The following DPH6 variants were observed in gnomAD, a reference collection of about 807,000 sequenced individuals.
DPH6 encodes diphthine--ammonia ligase.
Under a neutral mutation model 38.2 loss-of-function variants are expected in DPH6, and 33 were observed. The observed-to-expected ratio is 0.86, with a 90% CI of 0.65 to 1.15. The LOEUF is 1.15. DPH6 is among the 50% of genes most tolerant of loss of function. The pLI, the probability that DPH6 is intolerant of heterozygous loss-of-function variation, is 0.00. For missense variants in DPH6, 325 were observed against 320.0 expected, an observed-to-expected ratio of 1.02 and a Z score of -0.12; for synonymous variants, 108 against 103.0, an observed-to-expected ratio of 1.05 and a Z score of -0.30.
intron 6 of DPH6, among the ~76,000 whole-genome samples, chr15:35,405,160 T>A (rs2053274926): frequency 6.6e-6 from 1 of 152,106 alleles, no homozygotes; most frequent in Admixed American, 6.6e-5. Context: ...GGTAATGCAA[T>A]CCCTCCAGTT....
downstream of DPH6, among the ~76,000 whole-genome samples, chr15:35,367,131 A>G (rs1205757511): frequency 2.0e-5 from 3 of 151,808 alleles, no homozygotes; most frequent in African/African-American, 7.2e-5. Context: ...ATTATATAAA[A>G]TATATAATTG....
chr15:35,422,501 G>A (rs2053518401), intron 5 of DPH6, among the ~76,000 whole-genome samples: 2 of 151,880 alleles, frequency 1.3e-5, no homozygotes, highest in Admixed American at 6.6e-5. Context: ...TGCAAACACT[G>A]TAAAATATTC....
At chr15:35,360,332 A>G (rs2052603405) in intron 3 of DPH6, among the ~76,000 whole-genome samples, 2 of 152,292 alleles carry the variant, frequency 1.3e-5, no homozygotes, top group African/African-American at 4.8e-5. Flanking sequence ...CCTGGTACCA[A>G]TCAGATGGGA....
At chr15:35,174,764 C>T in the DPH6 span, among the ~76,000 whole-genome samples, 1 of 152,124 alleles carries the variant, frequency 6.6e-6, no homozygotes, top group African/African-American at 2.4e-5. Context: ...CAAAAGAATA[C>T]ATCAGATGGA....
At chr15:35,525,945 T>G (rs1037527079) in intron 3 of DPH6, among the ~76,000 whole-genome samples, 4 of 152,202 alleles carry the variant, frequency 2.6e-5, no homozygotes, top group African/African-American at 9.6e-5. Context: ...AATCCTATCT[T>G]AAAGTAGTGC....
At chr15:35,207,514 A>G in the DPH6 span, among the ~76,000 whole-genome samples, 16 of 152,294 alleles carry the variant, frequency 1.1e-4, no homozygotes, top group Admixed American at 1.0e-3. Flanking sequence ...TACTATAATA[A>G]TCATTCCAAT....
the DPH6 span, among the ~76,000 whole-genome samples, chr15:35,174,934 C>G: frequency 6.6e-6 from 1 of 152,142 alleles, no homozygotes; most frequent in Non-Finnish European, 1.5e-5. Context: ...TCTTACCTGC[C>G]TTCTAAACAT....
intron 6 of DPH6, among the ~76,000 whole-genome samples, chr15:35,408,185 G>A (rs2140989759): frequency 6.6e-6 from 1 of 151,992 alleles, no homozygotes; most frequent in East Asian, 1.9e-4. Flanking sequence ...GTGAGGGAAA[G>A]AGGAGTCTAA....
At chr15:35,436,509 C>CAAAAAAAAAAAAAAAA (rs1491101707) in intron 5 of DPH6, among the ~76,000 whole-genome samples, 3 of 107,548 alleles carry the variant, frequency 2.8e-5, no homozygotes, top group African/African-American at 4.2e-5. Flanking sequence ...CAAAACAAAA[C>CAAAAAAAAAAAAAAAA]AAAACAAAAA....
chr15:35,471,108 T>C (rs1293010626), intron 3 of DPH6, among the ~76,000 whole-genome samples: 1 of 152,178 alleles, frequency 6.6e-6, no homozygotes, highest in Non-Finnish European at 1.5e-5. Flanking sequence ...GTTCATAGGG[T>C]TGTGTGAGGC....
intron 5 of DPH6, among the ~76,000 whole-genome samples, chr15:35,447,216 A>G (rs948540116): frequency 2.0e-5 from 3 of 152,148 alleles, no homozygotes; most frequent in African/African-American, 7.2e-5. Context: ...ACACATCCAG[A>G]GTGTTCTCTC....
chr15:35,482,594 T>C (rs555239331), intron 3 of DPH6, among the ~76,000 whole-genome samples: 1 of 152,200 alleles, frequency 6.6e-6, no homozygotes, highest in East Asian at 1.9e-4. Context: ...TTGACAAAGG[T>C]TCCAAGGCAA....
the DPH6 span, among the ~76,000 whole-genome samples, chr15:35,158,214 A>G: frequency 2.0e-3 from 141 of 70,938 alleles, no homozygotes; most frequent in African/African-American, 4.7e-3. Flanking sequence ...GGAAGGGCAG[A>G]AATGAGGGGA....
At chr15:35,542,608 T>G in intron 1 of DPH6, 101 bp from the exon 2 acceptor site, 1 of 1,144,074 alleles carries the variant, frequency 8.7e-7, no homozygotes, top group South Asian at 1.8e-5. Context: ...TACTTGACTC[T>G]TCAGAATATA....
the DPH6 span, among the ~76,000 whole-genome samples, chr15:35,183,929 T>A: frequency 6.6e-6 from 1 of 152,202 alleles, no homozygotes; most frequent in South Asian, 2.1e-4. Flanking sequence ...TTAAAATCCT[T>A]TTCTAGGGCT....
Position 35,343,442 on chromosome 15 carries a change from T to C in DPH6, n.208-12365A>G, listed in dbSNP as rs138098352. Among the ~76,000 whole-genome samples the C allele has an allele frequency of 5.3e-4, 81 of 152,156 alleles. 2 individuals carry two copies. The East Asian group carries it at 0.015, about 28-fold the overall frequency. ...ATTCTTAAATAATCACCCTAATGTA[T>C]AGTTAGGGTGCATAGTTACATATAC... On this transcript the variant is annotated intron_variant and non_coding_transcript_variant, in intron 3 of 3. Transcript: ENST00000558973.
At chr15:35,239,148 C>G (rs2051579594) in intron 3 of DPH6, among the ~76,000 whole-genome samples, 1 of 143,914 alleles carries the variant, frequency 6.9e-6, no homozygotes, top group Admixed American at 7.5e-5. Flanking sequence ...GAAAGATCCA[C>G]CTACGACCTC....
chr15:35,360,601 G>C (rs1178298105), intron 3 of DPH6, among the ~76,000 whole-genome samples: 1 of 152,168 alleles, frequency 6.6e-6, no homozygotes, highest in African/African-American at 2.4e-5. Context: ...ACTGCCCCCA[G>C]GCCATAGCAG....
chr15:35,380,102 A>G (rs1412293100), intron 7 of DPH6, among the ~76,000 whole-genome samples: 1 of 152,198 alleles, frequency 6.6e-6, no homozygotes, highest in Non-Finnish European at 1.5e-5. Context: ...TTGTGTTTAC[A>G]AGGTACATAC....
Sources: allele counts gnomAD v4.1 joint callset (sites outside exome capture counted in the v4.1 genomes callset), GRCh38; gene constraint gnomAD v4.1.1; transcripts MANE v1.5; gene names NCBI Gene and HGNC (gene_info 2026-07-23, HGNC 2026-07-21).